The following MACROD2 variants were observed in gnomAD, a reference collection of about 807,000 sequenced individuals.
MACROD2 encodes the protein mono-ADP ribosylhydrolase 2.
A neutral mutation model predicts 70.4 loss-of-function variants in MACROD2; 36 were observed. That is an observed-to-expected ratio of 0.51 (90% CI 0.39 to 0.68). MACROD2 has a LOEUF of 0.68. Among genes scored for constraint, MACROD2 ranks in the 30% least tolerant of loss-of-function variants. The pLI, the probability that MACROD2 is intolerant of heterozygous loss-of-function variation, is 0.00. For synonymous variants in MACROD2, 172 were observed against 178.8 expected (o/e 0.96, Z 0.30); for missense variants, 496 against 538.4 (o/e 0.92, Z 0.78).
intron 8 of MACROD2, among the ~76,000 whole-genome samples, chr20:15,520,512 A>G (rs559687603): frequency 6.8e-6 from 1 of 146,354 alleles, no homozygotes; most frequent in African/African-American, 2.7e-5. Context: ...ACCAGGACAC[A>G]TTAACACATT....
At chr20:14,911,787 T>G (rs1182616701) in intron 5 of MACROD2, among the ~76,000 whole-genome samples, 1 of 152,082 alleles carries the variant, frequency 6.6e-6, no homozygotes, top group Non-Finnish European at 1.5e-5. Context: ...CTATTCTAAG[T>G]GTACTATATG....
At chr20:14,483,625 C>T (rs1049250482) in intron 3 of MACROD2, among the ~76,000 whole-genome samples, 3 of 152,136 alleles carry the variant, frequency 2.0e-5, no homozygotes, top group African/African-American at 7.2e-5. Flanking sequence ...ACACTGGTCT[C>T]GAACTCCCGA....
chr20:16,025,819 G>T (rs2147566579), intron 15 of MACROD2, among the ~76,000 whole-genome samples: 1 of 146,926 alleles, frequency 6.8e-6, no homozygotes, highest in South Asian at 2.3e-4. Flanking sequence ...ACATTAATCT[G>T]GTTTTCCAGA....
chr20:15,465,904 A>G (rs2046881310), intron 7 of MACROD2, among the ~76,000 whole-genome samples: 1 of 152,212 alleles, frequency 6.6e-6, no homozygotes. Context: ...GCCCATGCTT[A>G]ATGTATCAGA....
chr20:15,812,199 T>C (rs1393243189), intron 8 of MACROD2, among the ~76,000 whole-genome samples: 2 of 152,236 alleles, frequency 1.3e-5, no homozygotes, highest in East Asian at 1.9e-4. Context: ...TCTTTACTTA[T>C]AACACAATGC....
At chr20:14,249,808 C>T (rs903047875) in intron 3 of MACROD2, among the ~76,000 whole-genome samples, 2 of 151,810 alleles carry the variant, frequency 1.3e-5, no homozygotes, top group Non-Finnish European at 2.9e-5. Context: ...CAATATACTA[C>T]GACAGAAAAT....
chr20:14,713,103 TTG>T (rs1233865538), intron 5 of MACROD2, among the ~76,000 whole-genome samples: 3 of 152,062 alleles, frequency 2.0e-5, no homozygotes, highest in Non-Finnish European at 4.4e-5. Flanking sequence ...AAGAAGTTTC[TTG>T]TGTGAGTGTG....
intron 3 of MACROD2, chr20:14,329,357 T>C (rs183804694): frequency 1.3e-5 from 2 of 152,232 alleles, no homozygotes; most frequent in African/African-American, 2.4e-5. Flanking sequence ...TAATGAACTA[T>C]TAATAATGAA....
intron 8 of MACROD2, among the ~76,000 whole-genome samples, chr20:15,516,631 T>C (rs2047571544): frequency 6.6e-6 from 1 of 152,146 alleles, no homozygotes; most frequent in Non-Finnish European, 1.5e-5. Flanking sequence ...TGAATGTTTT[T>C]CCTGGGGCTT....
intron 15 of MACROD2, among the ~76,000 whole-genome samples, chr20:16,016,543 G>T (rs998020674): frequency 2.3e-4 from 35 of 152,068 alleles, no homozygotes; most frequent in African/African-American, 5.8e-4. Context: ...AAAATGAGGG[G>T]TTTTTTTGTT....
intron 5 of MACROD2, among the ~76,000 whole-genome samples, chr20:15,087,933 A>G (rs1295478556): frequency 6.6e-6 from 1 of 152,028 alleles, no homozygotes; most frequent in East Asian, 1.9e-4. Context: ...TTTCTAGTAA[A>G]GCAAATTCAA....
At chr20:14,628,247 T>C (rs1945831350) in intron 4 of MACROD2, among the ~76,000 whole-genome samples, 1 of 151,818 alleles carries the variant, frequency 6.6e-6, no homozygotes, top group Admixed American at 6.6e-5. Context: ...GGCAGGGGAG[T>C]GATATAGTCA....
intron 5 of MACROD2, among the ~76,000 whole-genome samples, chr20:14,998,784 T>C (rs532260714): frequency 5.8e-4 from 89 of 152,272 alleles, no homozygotes; most frequent in African/African-American, 2.1e-3. Context: ...AAGAAGGTTA[T>C]AGAACGCCAA....
chr20:14,634,589 A>T (rs1004725843), intron 4 of MACROD2, among the ~76,000 whole-genome samples: 3 of 123,646 alleles, frequency 2.4e-5, no homozygotes, highest in East Asian at 5.0e-4. Context: ...TGGTCCTGTC[A>T]GCAGAACTGT....
chr20:14,956,400 G>T (rs1488720759), intron 5 of MACROD2, among the ~76,000 whole-genome samples: 1 of 152,128 alleles, frequency 6.6e-6, no homozygotes, highest in African/African-American at 2.4e-5. Flanking sequence ...AAATAAATTA[G>T]CCCTTTAAGG....
At chr20:14,632,529 C>G (rs1412898515) in intron 4 of MACROD2, among the ~76,000 whole-genome samples, 4 of 152,078 alleles carry the variant, frequency 2.6e-5, no homozygotes, top group Non-Finnish European at 4.4e-5. Context: ...CCACCAAGCC[C>G]CTTTTCTACA....
intron 3 of MACROD2, among the ~76,000 whole-genome samples, chr20:14,235,321 G>T (rs1601384222): frequency 6.6e-6 from 1 of 152,042 alleles, no homozygotes; most frequent in East Asian, 1.9e-4. Context: ...TTTGCATAAT[G>T]ACATCTATTT....
intron 3 of MACROD2, among the ~76,000 whole-genome samples, chr20:14,412,281 C>G (rs537935719): frequency 6.6e-6 from 1 of 152,158 alleles, no homozygotes; most frequent in Non-Finnish European, 1.5e-5. Flanking sequence ...CTGGAGCCAG[C>G]TTTTTATCTT....
intron 7 of MACROD2, among the ~76,000 whole-genome samples, chr20:15,484,617 G>C (rs917400302): frequency 2.6e-5 from 4 of 152,150 alleles, no homozygotes; most frequent in African/African-American, 9.7e-5. Context: ...ATGACACACA[G>C]AATGCTGTGG....
Sources: allele counts gnomAD v4.1 joint callset (sites outside exome capture counted in the v4.1 genomes callset), GRCh38; gene constraint gnomAD v4.1.1; transcripts MANE v1.5; gene names NCBI Gene and HGNC (gene_info 2026-07-23, HGNC 2026-07-21).